Variants in MCTP1 observed in about 807,000 individuals in gnomAD.
MCTP1 encodes multiple C2 and transmembrane domain containing 1, also known as multiple C2 and transmembrane domain-containing protein 1.
In MCTP1, 69 loss-of-function variants were observed where a neutral mutation model predicts 120.6. The ratio of observed to expected loss-of-function variants is 0.57; its 90% confidence interval spans 0.47 to 0.70. MCTP1 has a LOEUF of 0.70. Among genes scored for constraint, MCTP1 ranks in the 30% least tolerant of loss-of-function variants. MCTP1 has a pLI of 0.00. For missense variants in MCTP1, 1,203 were observed against 1,248.8 expected, an observed-to-expected ratio of 0.96 and a Z score of 0.55; for synonymous variants, 529 against 493.1, an observed-to-expected ratio of 1.07 and a Z score of -0.96.
intron 2 of MCTP1, among the ~76,000 whole-genome samples, chr5:94,996,861 C>A (rs1308809397): frequency 6.6e-6 from 1 of 152,026 alleles, no homozygotes; most frequent in Non-Finnish European, 1.5e-5. Flanking sequence ...ATTTTATGAC[C>A]ATGGTCAATT....
At chr5:95,016,403 T>C (rs1837113556) in intron 2 of MCTP1, among the ~76,000 whole-genome samples, 1 of 152,142 alleles carries the variant, frequency 6.6e-6, no homozygotes, top group Non-Finnish European at 1.5e-5. Flanking sequence ...TAGTATTATA[T>C]TAAATTATTT....
At chr5:94,849,185 C>A (rs571745873) in intron 17 of MCTP1, among the ~76,000 whole-genome samples, 2 of 151,902 alleles carry the variant, frequency 1.3e-5, no homozygotes, top group Non-Finnish European at 2.9e-5. Context: ...AGACACTCAT[C>A]GGTGTGAATT....
intron 1 of MCTP1, among the ~76,000 whole-genome samples, chr5:95,104,779 C>G (rs760828566): frequency 3.9e-5 from 6 of 152,110 alleles, no homozygotes; most frequent in Non-Finnish European, 7.4e-5. Context: ...GTTTTCAGCA[C>G]TTATCAAATT....
intron 2 of MCTP1, among the ~76,000 whole-genome samples, chr5:94,960,884 A>G (rs1463167139): frequency 6.6e-6 from 1 of 152,192 alleles, no homozygotes; most frequent in African/African-American, 2.4e-5. Context: ...AGAATCTAGA[A>G]CTAGAAATAC....
intron 17 of MCTP1, among the ~76,000 whole-genome samples, chr5:94,821,071 A>C (rs1204989234): frequency 6.6e-6 from 1 of 152,176 alleles, no homozygotes; most frequent in Non-Finnish European, 1.5e-5. Context: ...ATTCAAACCA[A>C]GTCTATCTGG....
At chr5:94,931,875 G>C in intron 6 of MCTP1, 78 bp downstream of exon 6, 2 of 1,050,136 alleles carry the variant, frequency 1.9e-6, no homozygotes, top group South Asian at 2.7e-5. Context: ...ATACTTTGAA[G>C]AGATGAGAGA....
At chr5:94,943,126 G>A (rs1176542576) in intron 3 of MCTP1, among the ~76,000 whole-genome samples, 1 of 151,972 alleles carries the variant, frequency 6.6e-6, no homozygotes, top group African/African-American at 2.4e-5. Context: ...GGAGGGTCTG[G>A]GATGGCCTAT....
At chr5:95,251,379 T>G (rs756869104) in intron 1 of MCTP1, among the ~76,000 whole-genome samples, 41 of 152,100 alleles carry the variant, frequency 2.7e-4, no homozygotes, top group Admixed American at 9.2e-4. Context: ...GAGGTTCAGG[T>G]TGAAGAAGGA....
chr5:95,159,372 T>A (rs753980315), intron 1 of MCTP1, among the ~76,000 whole-genome samples: 2 of 152,234 alleles, frequency 1.3e-5, no homozygotes, highest in Non-Finnish European at 2.9e-5. Context: ...ATTCATTTAT[T>A]CTTACATCCA....
chr5:95,170,410 G>T (rs1430072193), intron 1 of MCTP1, among the ~76,000 whole-genome samples: 1 of 152,208 alleles, frequency 6.6e-6, no homozygotes, highest in Non-Finnish European at 1.5e-5. Context: ...GGAGAGTTCT[G>T]TAGATGTCTA....
chr5:95,002,484 G>A (rs1015342627), intron 2 of MCTP1, among the ~76,000 whole-genome samples: 2 of 152,216 alleles, frequency 1.3e-5, no homozygotes, highest in Non-Finnish European at 2.9e-5. Context: ...AAGGCTGTGG[G>A]AGCCCACCTC....
At chr5:94,909,493 G>GCA in intron 9 of MCTP1, 112 bp from the exon 10 acceptor site, 1 of 982,160 alleles carries the variant, frequency 1.0e-6, no homozygotes, top group East Asian at 2.7e-5. Flanking sequence ...AGCACGCTGT[G>GCA]TGCTATTTGA....
At chr5:94,756,674 TC>T (rs906220903) in intron 19 of MCTP1, among the ~76,000 whole-genome samples, 3 of 152,142 alleles carry the variant, frequency 2.0e-5, no homozygotes, top group Admixed American at 6.5e-5. Flanking sequence ...CAAAATGAGA[TC>T]CTTTGACAGC....
At chr5:95,019,782 G>A (rs973610723) in intron 1 of MCTP1, among the ~76,000 whole-genome samples, 76 of 152,036 alleles carry the variant, frequency 5.0e-4, no homozygotes, top group African/African-American at 1.7e-3. Flanking sequence ...CTATGGGTGA[G>A]GAGTCTTGAA....
chr5:95,186,649 G>C (rs1283507644), intron 1 of MCTP1, among the ~76,000 whole-genome samples: 1 of 152,168 alleles, frequency 6.6e-6, no homozygotes, highest in Non-Finnish European at 1.5e-5. Context: ...TGTGGACATA[G>C]AGAAAATTTA....
chr5:94,725,549 GTTT>G (rs1761944661), intron 19 of MCTP1, among the ~76,000 whole-genome samples: 1 of 152,158 alleles, frequency 6.6e-6, no homozygotes. Flanking sequence ...TTTTGAAATT[GTTT>G]ACTTCATTTT....
In MCTP1 at chr5:95,240,471, G is replaced by C. The variant is rs1431007084; in HGVS notation, c.720+43385C>G. ...AAGGCTGAGAACTTCTCAAGGTTTGGGTGGAGCAGTGAGGCCAAGGCTGAA... is the reference window on the plus strand; with the variant it reads ...AAGGCTGAGAACTTCTCAAGGTTTGCGTGGAGCAGTGAGGCCAAGGCTGAA... On this transcript the variant is annotated intron_variant, in intron 1 of 22. Transcript: ENST00000515393. Among the ~76,000 whole-genome samples the C allele has an allele frequency of 4.6e-5, 7 of 152,310 alleles. No individual in the cohort carries two copies. The East Asian group carries it at 1.3e-3, about 29-fold the overall frequency.
At chr5:95,260,078 C>G (rs2152715626) in intron 1 of MCTP1, among the ~76,000 whole-genome samples, 1 of 152,274 alleles carries the variant, frequency 6.6e-6, no homozygotes, top group South Asian at 2.1e-4. Flanking sequence ...GCTTTTAATT[C>G]TCCTGTGCTT....
intron 1 of MCTP1, among the ~76,000 whole-genome samples, chr5:95,172,426 T>C (rs1747433974): frequency 6.6e-6 from 1 of 152,220 alleles, no homozygotes; most frequent in Non-Finnish European, 1.5e-5. Context: ...CACTACTCTC[T>C]TCAAAGCTGT....
Sources: allele counts gnomAD v4.1 joint callset (sites outside exome capture counted in the v4.1 genomes callset), GRCh38; gene constraint gnomAD v4.1.1; transcripts MANE v1.5; gene names NCBI Gene and HGNC (gene_info 2026-07-23, HGNC 2026-07-21).